Variants in RACGAP1 observed in about 807,000 individuals in gnomAD.
RACGAP1 encodes the protein rac GTPase-activating protein 1.
RACGAP1 carries 30 observed loss-of-function variants against 78.1 expected under a neutral mutation model. That is an observed-to-expected ratio of 0.38 (90% CI 0.29 to 0.52). The LOEUF (loss-of-function observed/expected upper bound fraction) is 0.52. Ranked by LOEUF, RACGAP1 falls within the 20% of genes least tolerant of loss-of-function variation. RACGAP1 has a pLI of 0.82. For missense variants in RACGAP1, 587 were observed against 777.1 expected (o/e 0.76, Z 2.91); for synonymous variants, 231 against 264.8 (o/e 0.87, Z 1.24).
At chr12:50,032,717 C>T (rs1200101730) in intron 1 of RACGAP1, among the ~76,000 whole-genome samples, 3 of 152,198 alleles carry the variant, frequency 2.0e-5, no homozygotes, top group Non-Finnish European at 4.4e-5. Context: ...GTTCGATTCC[C>T]CGCTCTGCCA....
intron 2 of RACGAP1, among the ~76,000 whole-genome samples, chr12:50,011,283 G>A (rs566789469): frequency 5.7e-4 from 84 of 147,464 alleles, no homozygotes; most frequent in African/African-American, 2.0e-3. Flanking sequence ...GCAGTGAGCT[G>A]AGATCACACA....
intron 1 of RACGAP1, chr12:50,017,127 T>A: frequency 1.0e-6 from 1 of 967,058 alleles, no homozygotes; most frequent in African/African-American, 1.8e-5. Flanking sequence ...ACTTAAAATA[T>A]CTATTTTTAA....
intron 2 of RACGAP1, among the ~76,000 whole-genome samples, chr12:50,010,318 C>CTTTTTTTTTT (rs370154975): frequency 1.4e-5 from 2 of 142,674 alleles, no homozygotes; most frequent in African/African-American, 2.6e-5. Flanking sequence ...CTTTTTTTAA[C>CTTTTTTTTTT]TTTTTTTTTT....
At position 50,025,334 on chromosome 12, in the gene RACGAP1, A is replaced by T. The variant is rs960626692; in HGVS notation, c.-5+64T>A. On this transcript the variant is annotated intron_variant, in intron 1 of 16. Transcript: ENST00000312377. ...CGCGGCGGCCACGGCTCACCACACG[A>T]ACACTCTGCTTCCTATCACAATCCA... is the stretch of plus-strand genomic sequence containing the variant. 3.0e-6 allele frequency: 3 copies of T among 985,600 alleles called. No individual in the cohort carries two copies. In the African/African-American group the frequency reaches 5.2e-5, roughly 17 times the overall value. 61.1% of individuals were successfully genotyped at this position (985,600 alleles called of 1,614,324 possible). A position where few individuals can be genotyped will look rare whatever the true frequency, so the allele number is the denominator to read the frequency against.
At chr12:50,016,985 T>A in intron 1 of RACGAP1, 1 of 1,208,730 alleles carries the variant, frequency 8.3e-7, no homozygotes, top group South Asian at 2.8e-5. Flanking sequence ...AGAAAACAAA[T>A]AGGAAAGAGC....
intron 1 of RACGAP1, among the ~76,000 whole-genome samples, chr12:50,023,710 AC>A (rs1199842074): frequency 1.3e-5 from 2 of 151,078 alleles, no homozygotes; most frequent in African/African-American, 2.4e-5. Context: ...TTCAGCCTGG[AC>A]CACAGAGCAA....
intron 1 of RACGAP1, among the ~76,000 whole-genome samples, chr12:50,018,244 T>C (rs573999833): frequency 6.6e-6 from 1 of 152,096 alleles, no homozygotes; most frequent in African/African-American, 2.4e-5. Flanking sequence ...CATATGATAA[T>C]TGCTATAATA....
rs1312567594 is a variant in RACGAP1, at chr12:49,999,134, G to C, written c.879+7C>G. 1.3e-6 allele frequency: 2 copies of C among 1,581,056 alleles called. No homozygotes were observed. The highest frequency in any genetic ancestry group is 1.7e-6 in the Non-Finnish European group (2 of 1,168,336). On this transcript the variant is annotated splice_region_variant and intron_variant, in intron 9 of 16. Transcript: ENST00000312377. ...AATTAAAACACAAACAACAATCACA[G>C]ATTTACCGTCTTAGAAACAAAGTCA...
chr12:49,992,545 C>T lies in RACGAP1; in HGVS notation c.1445+5G>A, dbSNP rs767772123. On this transcript the variant is annotated splice_donor_5th_base_variant and intron_variant, in intron 13 of 16. Transcript: ENST00000312377. ...ACTCCCAGAACAAGTTTCTGCTGTA[C>T]TCACCTCTGCAAGTGAATCATGAGG... The T allele has an allele frequency of 3.1e-6, 5 of 1,612,724 alleles. No homozygotes were observed. Among genetic ancestry groups the T allele is most frequent in the Non-Finnish European group, 4.2e-6 (5 of 1,179,282 alleles).
intron 7 of RACGAP1, among the ~76,000 whole-genome samples, chr12:50,000,631 G>T (rs966961464): frequency 6.6e-6 from 1 of 152,172 alleles, no homozygotes; most frequent in African/African-American, 2.4e-5. Flanking sequence ...AAGAAATCTC[G>T]TACCTAAGAA....
At chr12:50,011,342 A>G (rs1022555835) in intron 2 of RACGAP1, among the ~76,000 whole-genome samples, 4 of 151,728 alleles carry the variant, frequency 2.6e-5, no homozygotes, top group African/African-American at 9.7e-5. Context: ...AAAAAAAAAA[A>G]AAAAAAAAGA....
rs116962654 is a variant in RACGAP1 at position 50,018,003 on chromosome 12, C to G, written c.-4-1284G>C. On this transcript the variant is annotated intron_variant, in intron 1 of 16. Coordinates refer to ENST00000312377, the MANE Select transcript of RACGAP1 (RefSeq NM_001319999.2). ...CAAAACCCCGTCTCTTCTAAAAACA[C>G]AAAAATTAGCTGGGCACAGTTATGT... Among the ~76,000 whole-genome samples the G allele has an allele frequency of 4.6e-4, 70 of 151,988 alleles. No homozygotes were observed. In the East Asian group the frequency reaches 0.011, roughly 25 times the overall value.
chr12:49,992,579 T>G lies in RACGAP1; in HGVS notation c.1416A>C (p.Thr472=). 6.2e-7 allele frequency: 1 copy of G among 1,614,170 alleles called. No homozygotes were observed. The highest frequency in any genetic ancestry group is 8.5e-7 in the Non-Finnish European group (1 of 1,180,006). The change falls in exon 13 of 17, where the codon ACA becomes ACC. Residue 472 remains threonine, a synonymous_variant. Transcript: ENST00000312377. The part of the protein sequence containing the change: ...VGELPQANRD[T]LAFLMIHLQR... Reference sequence around the variant, plus strand: ...GCAAGTGAATCATGAGGAAAGCTAATGTGTCCCTGTTGGCCTGGGGCAGTT... The same window carrying G: ...GCAAGTGAATCATGAGGAAAGCTAAGGTGTCCCTGTTGGCCTGGGGCAGTT...
chr12:49,999,336 C>A, intron 8 of RACGAP1, 65 bp from the exon 9 acceptor site: 2 of 1,536,604 alleles, frequency 1.3e-6, no homozygotes, highest in Non-Finnish European at 8.8e-7. Context: ...ATTTTAGCTC[C>A]AATTTTAACT....
intron 2 of RACGAP1, among the ~76,000 whole-genome samples, chr12:50,011,667 C>A (rs1037413255): frequency 1.3e-5 from 2 of 151,638 alleles, no homozygotes; most frequent in Non-Finnish European, 2.9e-5. Context: ...AAAAATTAGC[C>A]GGTGTGGGCC....
At chr12:49,991,609 C>T (rs1173922033) in intron 15 of RACGAP1, among the ~76,000 whole-genome samples, 6 of 148,160 alleles carry the variant, frequency 4.0e-5, no homozygotes, top group Non-Finnish European at 6.0e-5. Context: ...GTGCCTCAGC[C>T]GCCCTGGTAG....
At chr12:50,010,070 C>T (rs1353630079) in intron 2 of RACGAP1, among the ~76,000 whole-genome samples, 2 of 152,168 alleles carry the variant, frequency 1.3e-5, no homozygotes, top group Admixed American at 1.3e-4. Context: ...TAGTGTAGCA[C>T]AAACCTAGTA....
chr12:50,012,454 G>A (rs1592200205), intron 2 of RACGAP1, among the ~76,000 whole-genome samples: 1 of 151,442 alleles, frequency 6.6e-6, no homozygotes, highest in Non-Finnish European at 1.5e-5. Context: ...CCAGCTACTC[G>A]GGAGGCTGAG....
intron 1 of RACGAP1, among the ~76,000 whole-genome samples, chr12:50,020,833 G>T (rs776415754): frequency 2.0e-5 from 3 of 152,162 alleles, no homozygotes; most frequent in Non-Finnish European, 1.5e-5. Flanking sequence ...TGCTGCTTCT[G>T]AAGAGTTATT....
Sources: allele counts gnomAD v4.1 joint callset (sites outside exome capture counted in the v4.1 genomes callset), GRCh38; gene constraint gnomAD v4.1.1; transcripts MANE v1.5; gene names NCBI Gene and HGNC (gene_info 2026-07-23, HGNC 2026-07-21).